PTPRK: variants seen among roughly 807,000 people sequenced by gnomAD.
PTPRK encodes the protein receptor-type tyrosine-protein phosphatase kappa.
In PTPRK, 75 loss-of-function variants were observed where a neutral mutation model predicts 178.0. The ratio of observed to expected loss-of-function variants is 0.42; its 90% confidence interval spans 0.35 to 0.51. The LOEUF (loss-of-function observed/expected upper bound fraction) is 0.51. PTPRK is among the 20% of genes least tolerant of loss of function. PTPRK has a pLI of 0.02. For missense variants in PTPRK, 1,441 were observed against 1,797.8 expected (o/e 0.80, Z 3.59); for synonymous variants, 637 against 620.6 (o/e 1.03, Z -0.39).
chr6:128,000,328 T>C, intron 15 of PTPRK: 1 of 1,291,482 alleles, frequency 7.7e-7, no homozygotes, highest in Non-Finnish European at 1.0e-6. Flanking sequence ...ACATTTTTTC[T>C]TCCTGGAGAA....
At chr6:128,197,086 T>A (rs960120971) in intron 6 of PTPRK, among the ~76,000 whole-genome samples, 2 of 151,906 alleles carry the variant, frequency 1.3e-5, no homozygotes, top group African/African-American at 4.8e-5. Flanking sequence ...TGCACTAATA[T>A]AAGTTGATAG....
intron 1 of PTPRK, among the ~76,000 whole-genome samples, chr6:128,467,791 C>G (rs541640506): frequency 1.4e-3 from 213 of 150,018 alleles, no homozygotes; most frequent in Non-Finnish European, 2.3e-3. Flanking sequence ...CATTAATCCT[C>G]TCATTGGCCA....
At chr6:128,437,089 T>C (rs1315349941) in intron 1 of PTPRK, among the ~76,000 whole-genome samples, 1 of 152,168 alleles carries the variant, frequency 6.6e-6, no homozygotes, top group African/African-American at 2.4e-5. Context: ...ATCTGCTGGG[T>C]TACTTTCCCT....
chr6:128,403,426 G>C (rs1040521611), intron 1 of PTPRK, among the ~76,000 whole-genome samples: 1 of 152,044 alleles, frequency 6.6e-6, no homozygotes, highest in African/African-American at 2.4e-5. Flanking sequence ...TCTAGACACA[G>C]CCTGGAGTAA....
At chr6:128,495,857 G>T (rs1302676305) in intron 1 of PTPRK, among the ~76,000 whole-genome samples, 4 of 152,142 alleles carry the variant, frequency 2.6e-5, no homozygotes, top group Admixed American at 1.3e-4. Flanking sequence ...GCTTCTCTCA[G>T]TTGCTGCAAT....
At chr6:128,246,793 C>A (rs901027323) in intron 3 of PTPRK, among the ~76,000 whole-genome samples, 15 of 152,210 alleles carry the variant, frequency 9.9e-5, no homozygotes, top group Non-Finnish European at 2.1e-4. Context: ...GCAGAATGAA[C>A]AGGCTCTGCT....
At chr6:128,402,249 G>GTTTGCT (rs1841117674) in intron 1 of PTPRK, among the ~76,000 whole-genome samples, 2 of 152,064 alleles carry the variant, frequency 1.3e-5, no homozygotes, top group Non-Finnish European at 2.9e-5. Context: ...GGTTTTGTTT[G>GTTTGCT]TTTGTTTTTG....
intron 7 of PTPRK, among the ~76,000 whole-genome samples, chr6:128,120,759 A>G (rs1399646699): frequency 6.6e-6 from 1 of 151,926 alleles, no homozygotes; most frequent in Non-Finnish European, 1.5e-5. Context: ...TTTTTAAGGA[A>G]GTATTTCAAC....
intron 1 of PTPRK, among the ~76,000 whole-genome samples, chr6:128,418,644 C>G (rs945429839): frequency 2.0e-5 from 3 of 152,088 alleles, no homozygotes; most frequent in Non-Finnish European, 4.4e-5. Context: ...GTTCCTGGTG[C>G]CAGAAAGGTT....
chr6:128,475,818 G>T (rs1011101309), intron 1 of PTPRK, among the ~76,000 whole-genome samples: 22 of 151,936 alleles, frequency 1.4e-4, no homozygotes, highest in African/African-American at 5.1e-4. Context: ...TCACTAATGA[G>T]AAAAATATGT....
intron 21 of PTPRK, among the ~76,000 whole-genome samples, chr6:127,987,612 A>G (rs1175512980): frequency 6.6e-6 from 1 of 152,138 alleles, no homozygotes. Flanking sequence ...ATTTAAAAAT[A>G]TTATCCATAC....
chr6:128,298,190 C>A lies in PTPRK; in HGVS notation c.495+23849G>T, dbSNP rs575030083. 5.3e-4 allele frequency among the ~76,000 whole-genome samples: 80 copies of A among 152,214 alleles called. 1 individual carries two copies. Among genetic ancestry groups the A allele is most frequent in the Non-Finnish European group, 6.0e-4 (41 of 68,006 alleles). On this transcript the variant is annotated intron_variant, in intron 3 of 29. Transcript: ENST00000368226. ...AAAGACTAAAACAGGAAGAAGTTGA[C>A]TCTCTGAATAGACCAATAACAGGCT... is the stretch of plus-strand genomic sequence containing the variant.
At chr6:127,981,768 G>C (rs1401203697) in intron 24 of PTPRK, among the ~76,000 whole-genome samples, 1 of 152,184 alleles carries the variant, frequency 6.6e-6, no homozygotes, top group Admixed American at 6.5e-5. Context: ...TTTAAGGGCA[G>C]TGAAAACATT....
At chr6:128,171,051 T>C (rs1445901530) in intron 7 of PTPRK, among the ~76,000 whole-genome samples, 3 of 151,898 alleles carry the variant, frequency 2.0e-5, no homozygotes, top group African/African-American at 4.8e-5. Context: ...TCCCATATAA[T>C]GTATAATGAT....
At chr6:128,494,392 T>C (rs1242637439) in intron 1 of PTPRK, among the ~76,000 whole-genome samples, 1 of 152,194 alleles carries the variant, frequency 6.6e-6, no homozygotes, top group African/African-American at 2.4e-5. Context: ...ACAATTTTCC[T>C]TCTAAATATA....
chr6:128,143,943 A>G (rs1203819270), intron 7 of PTPRK, among the ~76,000 whole-genome samples: 1 of 152,114 alleles, frequency 6.6e-6, no homozygotes, highest in Non-Finnish European at 1.5e-5. Flanking sequence ...TTGACTACAA[A>G]CCTGAGGTGT....
chr6:128,069,187 C>T (rs986219943), intron 11 of PTPRK, among the ~76,000 whole-genome samples: 3 of 151,996 alleles, frequency 2.0e-5, no homozygotes, highest in Admixed American at 1.3e-4. Context: ...ATTTAAGCTC[C>T]CATTTTCCAT....
intron 3 of PTPRK, among the ~76,000 whole-genome samples, chr6:128,318,787 G>A (rs561767649): frequency 6.6e-6 from 1 of 152,272 alleles, no homozygotes; most frequent in African/African-American, 2.4e-5. Flanking sequence ...CGCTTTTAGA[G>A]GTATGCTGAT....
At chr6:128,215,100 G>A (rs1459460182) in intron 6 of PTPRK, among the ~76,000 whole-genome samples, 1 of 152,100 alleles carries the variant, frequency 6.6e-6, no homozygotes, top group Non-Finnish European at 1.5e-5. Flanking sequence ...TCAAACTGAA[G>A]TACTTAAAAT....
Sources: allele counts gnomAD v4.1 joint callset (sites outside exome capture counted in the v4.1 genomes callset), GRCh38; gene constraint gnomAD v4.1.1; transcripts MANE v1.5; gene names NCBI Gene and HGNC (gene_info 2026-07-23, HGNC 2026-07-21).